The following PDE8B variants were observed in gnomAD, a reference collection of about 807,000 sequenced individuals.
PDE8B encodes high affinity cAMP-specific and IBMX-insensitive 3',5'-cyclic phosphodiesterase 8B.
Under a neutral mutation model 101.3 loss-of-function variants are expected in PDE8B, and 26 were observed. That is an observed-to-expected ratio of 0.26 (90% confidence interval 0.19 to 0.36). PDE8B has a LOEUF of 0.36. Ranked by LOEUF, PDE8B falls within the 10% of genes least tolerant of loss-of-function variation. The pLI, the probability that PDE8B is intolerant of heterozygous loss-of-function variation, is 1.00. For synonymous variants in PDE8B, 424 were observed against 429.3 expected (o/e 0.99, Z 0.15); for missense variants, 810 against 1,163.1 (o/e 0.70, Z 4.42).
At chr5:77,185,125 T>A in the PDE8B span, among the ~76,000 whole-genome samples, 9 of 152,196 alleles carry the variant, frequency 5.9e-5, no homozygotes, top group Non-Finnish European at 8.8e-5. Flanking sequence ...TAAGAACTAG[T>A]CACACAGACC....
At chr5:77,163,331 A>C in the PDE8B span, among the ~76,000 whole-genome samples, 41 of 152,302 alleles carry the variant, frequency 2.7e-4, no homozygotes, top group African/African-American at 9.6e-4. Flanking sequence ...CATTTATTTA[A>C]GGGTAGGGTT....
At chr5:77,261,159 A>G (rs990270885) in intron 1 of PDE8B, among the ~76,000 whole-genome samples, 1 of 152,194 alleles carries the variant, frequency 6.6e-6, no homozygotes, top group Non-Finnish European at 1.5e-5. Flanking sequence ...GGCTTAGAAA[A>G]ATGCCAGAAG....
intron 11 of PDE8B, among the ~76,000 whole-genome samples, chr5:77,401,666 AT>A (rs1045915353): frequency 2.2e-4 from 32 of 147,634 alleles, no homozygotes; most frequent in Middle Eastern, 3.4e-3. Context: ...AAGTGGAGCT[AT>A]TTTTTTTTTT....
chr5:77,242,781 C>T (rs534293066), intron 1 of PDE8B, among the ~76,000 whole-genome samples: 8 of 152,258 alleles, frequency 5.3e-5, no homozygotes, highest in African/African-American at 1.9e-4. Context: ...ACGCCATTCT[C>T]CTGCCTCAGC....
chr5:77,349,526 C>G lies in PDE8B; in HGVS notation c.984C>G (p.Leu328=). ...PKSDKNRADL[L]DTINTCIKKG... is the part of the protein sequence containing the mutation. The stretch of plus-strand genomic sequence containing the variant: ...GCGATAAGAACCGGGCAGACCTTCT[C>G]GACACCATCAATACATGCATCAAGA... Residue 328 remains leucine (L), a synonymous_variant, in exon 8 of 22, where the codon CTC becomes CTG. Coordinates refer to ENST00000264917, the MANE Select transcript of PDE8B (RefSeq NM_003719.5). 1 of 1,614,158 alleles carries G rather than the reference C, an allele frequency of 6.2e-7. No individual in the cohort carries two copies. The highest frequency in any genetic ancestry group is 1.1e-5 in the South Asian group (1 of 91,064).
intron 4 of PDE8B, 86 bp downstream of exon 4, chr5:77,329,143 A>T (rs1776633754): frequency 3.9e-6 from 4 of 1,026,542 alleles, no homozygotes; most frequent in Non-Finnish European, 6.2e-6. Flanking sequence ...TGAGCTATCT[A>T]AGCAATGGGT....
intron 1 of PDE8B, among the ~76,000 whole-genome samples, chr5:77,267,225 G>A (rs1184005359): frequency 1.3e-5 from 2 of 152,050 alleles, no homozygotes; most frequent in Non-Finnish European, 2.9e-5. Flanking sequence ...GGATCAAGAG[G>A]TCAGGAGATC....
At chr5:77,224,891 A>G (rs1185614547) in intron 1 of PDE8B, among the ~76,000 whole-genome samples, 1 of 152,094 alleles carries the variant, frequency 6.6e-6, no homozygotes, top group African/African-American at 2.4e-5. Context: ...CATTAACCAC[A>G]TTCTTCTGGC....
At chr5:77,110,926 T>C in the PDE8B span, among the ~76,000 whole-genome samples, 1 of 152,216 alleles carries the variant, frequency 6.6e-6, no homozygotes, top group Non-Finnish European at 1.5e-5. Context: ...CAATTCACCA[T>C]ATCGAAAGAA....
At chr5:77,248,366 C>T (rs1242614386) in intron 1 of PDE8B, among the ~76,000 whole-genome samples, 1 of 152,146 alleles carries the variant, frequency 6.6e-6, no homozygotes, top group East Asian at 1.9e-4. Flanking sequence ...GGATGGGAAG[C>T]AAAGGAGAGA....
the PDE8B span, among the ~76,000 whole-genome samples, chr5:77,161,756 G>C: frequency 1.3e-5 from 2 of 152,106 alleles, no homozygotes; most frequent in Non-Finnish European, 2.9e-5. Flanking sequence ...GAGCATTTCA[G>C]TTGCTCCAAA....
chr5:77,250,303 A>T (rs1283823914), intron 1 of PDE8B, among the ~76,000 whole-genome samples: 1 of 152,200 alleles, frequency 6.6e-6, no homozygotes, highest in Non-Finnish European at 1.5e-5. Context: ...TTGGGGATTG[A>T]AACAAGATCA....
chr5:77,180,283 C>T, the PDE8B span, among the ~76,000 whole-genome samples: 51 of 152,350 alleles, frequency 3.3e-4, no homozygotes, highest in African/African-American at 1.2e-3. Context: ...AGTGAAGGCG[C>T]GGAGGCTCAG....
At chr5:77,201,209 C>T in the PDE8B span, among the ~76,000 whole-genome samples, 15 of 152,282 alleles carry the variant, frequency 9.9e-5, no homozygotes, top group East Asian at 5.8e-4. Context: ...AGCATCACTG[C>T]GTAGGCCTGA....
chr5:77,162,220 A>G, the PDE8B span, among the ~76,000 whole-genome samples: 1 of 152,090 alleles, frequency 6.6e-6, no homozygotes, highest in Non-Finnish European at 1.5e-5. Flanking sequence ...TTAAAATAAA[A>G]TATATCTAAG....
At chr5:77,170,717 A>G in the PDE8B span, among the ~76,000 whole-genome samples, 1 of 152,212 alleles carries the variant, frequency 6.6e-6, no homozygotes, top group South Asian at 2.1e-4. Flanking sequence ...AACAATCTGA[A>G]AATATTTCTC....
rs746250396 is a variant in PDE8B at position 77,349,497 on chromosome 5, A to G, written c.955A>G (p.Lys319Glu). 69 of 1,614,100 alleles carry G rather than the reference A, an allele frequency of 4.3e-5. No individual in the cohort carries two copies. The highest frequency in any genetic ancestry group is 5.8e-5 in the Non-Finnish European group (68 of 1,180,034). ...GGGAAAAGAACTCGCTGATCTGCCC[A>G]AAAGCGATAAGAACCGGGCAGACCT... Reference protein sequence around the residue: ...LLGKELADLPKSDKNRADLLD... With the variant: ...LLGKELADLPESDKNRADLLD... Residue 319 changes from lysine (K) to glutamate (E), a missense_variant, in exon 8 of 22, where the codon AAA (lysine) becomes GAA (glutamate). Lys to Glu is a moderately conservative substitution (Grantham distance 56). This residue lies in a region of PDE8B where 251 missense variants were observed against 378.8 expected (regional missense o/e 0.66). Transcript: ENST00000264917.
the PDE8B span, among the ~76,000 whole-genome samples, chr5:77,204,070 T>G: frequency 1.5e-5 from 2 of 132,270 alleles, no homozygotes; most frequent in African/African-American, 5.9e-5. Flanking sequence ...TTTTTTTTTT[T>G]GTACCTTGAC....
chr5:77,285,521 CG>C (rs1230584197), intron 1 of PDE8B, among the ~76,000 whole-genome samples: 1 of 152,116 alleles, frequency 6.6e-6, no homozygotes, highest in Non-Finnish European at 1.5e-5. Context: ...TAGTTTTTCT[CG>C]GGCCGCTTTT....
Sources: gnomAD v4.1 joint callset for allele counts (sites outside exome capture counted in the v4.1 genomes callset) on GRCh38, gnomAD v4.1.1 for gene constraint, gnomAD v4.1.1 regional missense constraint, MANE v1.5 for transcripts, NCBI Gene and HGNC (gene_info 2026-07-23, HGNC 2026-07-21) for gene names.